ARSG: variants seen among roughly 807,000 people sequenced by gnomAD.
ARSG encodes ASG.
In ARSG, 37 loss-of-function variants were observed where a neutral mutation model predicts 50.5. That is an observed-to-expected ratio of 0.73 (90% CI 0.56 to 0.96). The LOEUF is 0.96. Among genes scored for constraint, ARSG ranks in the 50% least tolerant of loss-of-function variants. ARSG has a pLI of 0.00. For missense variants in ARSG, 629 were observed against 675.3 expected (o/e 0.93, Z 0.76); for synonymous variants, 225 against 254.6 (o/e 0.88, Z 1.11).
chr17:68,272,510 G>A, intron 1 of ARSG: 1 of 1,078,120 alleles, frequency 9.3e-7, no homozygotes. Flanking sequence ...CTGGAGAAGA[G>A]ACGTAAATAA....
At chr17:68,291,734 G>C (rs1413985069) in intron 1 of ARSG, among the ~76,000 whole-genome samples, 166 bp downstream of exon 1, 1 of 151,650 alleles carries the variant, frequency 6.6e-6, no homozygotes, top group Non-Finnish European at 1.5e-5. Flanking sequence ...CAGGGTGTTG[G>C]GGGTGCCTGC....
At chr17:68,358,846 C>T (rs1015712208) in intron 6 of ARSG, among the ~76,000 whole-genome samples, 4 of 151,682 alleles carry the variant, frequency 2.6e-5, no homozygotes, top group Non-Finnish European at 5.9e-5. Context: ...CAGCCTGACA[C>T]ATGGAGAGCC....
intron 8 of ARSG, among the ~76,000 whole-genome samples, chr17:68,372,069 TG>T: frequency 6.6e-6 from 1 of 152,254 alleles, no homozygotes; most frequent in South Asian, 2.1e-4. Context: ...ATAAATTAAA[TG>T]TTTAGGAGGT....
intron 2 of ARSG, among the ~76,000 whole-genome samples, chr17:68,330,186 G>T (rs2077668712): frequency 6.6e-6 from 1 of 152,042 alleles, no homozygotes; most frequent in African/African-American, 2.4e-5. Context: ...CTCCAGCCTG[G>T]GTGGCAGAGT....
At chr17:68,434,338 A>G in the ARSG span, among the ~76,000 whole-genome samples, 1 of 152,148 alleles carries the variant, frequency 6.6e-6, no homozygotes, top group South Asian at 2.1e-4. Flanking sequence ...TCAAAAAGGG[A>G]CTCTCACGGC....
chr17:68,336,735 C>T (rs575758674), intron 2 of ARSG, among the ~76,000 whole-genome samples: 1 of 152,126 alleles, frequency 6.6e-6, no homozygotes, highest in East Asian at 1.9e-4. Context: ...CATCTATAAT[C>T]TTAGGTACTC....
intron 6 of ARSG, among the ~76,000 whole-genome samples, chr17:68,361,017 G>A (rs543002080): frequency 4.5e-4 from 69 of 152,142 alleles, no homozygotes; most frequent in South Asian, 2.3e-3. Flanking sequence ...TAGAGACGGC[G>A]TTTCACCATG....
chr17:68,274,068 G>C (rs782821002), intron 1 of ARSG: 1 of 1,612,016 alleles, frequency 6.2e-7, no homozygotes, highest in Non-Finnish European at 8.5e-7. Flanking sequence ...GTGGCGAGGG[G>C]AGCTGCCGGG....
At chr17:68,285,115 A>T (rs1405207417) in intron 1 of ARSG, among the ~76,000 whole-genome samples, 1 of 152,228 alleles carries the variant, frequency 6.6e-6, no homozygotes, top group East Asian at 1.9e-4. Flanking sequence ...TGCATCTGAA[A>T]TGCATCCTAT....
At chr17:68,323,457 C>T (rs753707280) in intron 2 of ARSG, among the ~76,000 whole-genome samples, 1 of 151,900 alleles carries the variant, frequency 6.6e-6, no homozygotes, top group Non-Finnish European at 1.5e-5. Flanking sequence ...GCTATGTTGC[C>T]GAGGCTGATT....
intron 5 of ARSG, among the ~76,000 whole-genome samples, chr17:68,353,262 G>C (rs563902485): frequency 6.6e-6 from 1 of 152,052 alleles, no homozygotes; most frequent in East Asian, 2.0e-4. Context: ...GGTTACACCG[G>C]AGCTGGAAAG....
chr17:68,262,662 C>G (rs2075092400), intron 1 of ARSG, among the ~76,000 whole-genome samples: 1 of 152,122 alleles, frequency 6.6e-6, no homozygotes. Context: ...TGGAAGCAGG[C>G]AGGCCAGCTA....
chr17:68,314,255 AG>A (rs1198476077), intron 2 of ARSG, among the ~76,000 whole-genome samples: 1 of 151,916 alleles, frequency 6.6e-6, no homozygotes, highest in East Asian at 1.9e-4. Flanking sequence ...GGCCGGGCAC[AG>A]TGGCTCACAC....
At chr17:68,268,423 A>AAGTT (rs1227204857) in intron 1 of ARSG, 4 of 96,716 alleles carry the variant, frequency 4.1e-5, no homozygotes, top group Non-Finnish European at 8.1e-5. Context: ...TATGAAGTTC[A>AAGTT]AGTTATATAT....
At chr17:68,382,511 T>A (rs184025562) in intron 8 of ARSG, among the ~76,000 whole-genome samples, 40 of 152,372 alleles carry the variant, frequency 2.6e-4, no homozygotes, top group African/African-American at 8.4e-4. Flanking sequence ...TGGGAGCAGG[T>A]ATTACTGAAG....
intron 1 of ARSG, among the ~76,000 whole-genome samples, chr17:68,265,650 G>T (rs1460356869): frequency 6.6e-6 from 1 of 151,532 alleles, no homozygotes; most frequent in Non-Finnish European, 1.5e-5. Context: ...ACCTGTGCCG[G>T]TGTTACAGAT....
intron 9 of ARSG, among the ~76,000 whole-genome samples, chr17:68,391,942 G>GT (rs1251701478): frequency 3.9e-5 from 6 of 152,330 alleles, no homozygotes; most frequent in African/African-American, 1.4e-4. Flanking sequence ...TGTAGGTAGA[G>GT]CCCTGGAGAG....
chr17:68,416,804 A>G (rs954036885), intron 11 of ARSG, among the ~76,000 whole-genome samples: 6 of 152,042 alleles, frequency 3.9e-5, no homozygotes, highest in Admixed American at 6.6e-5. Context: ...AGTATGTCCA[A>G]TGTTTCCTGA....
At chr17:68,273,663 C>A (rs782773347) in intron 1 of ARSG, among the ~76,000 whole-genome samples, 10 of 152,152 alleles carry the variant, frequency 6.6e-5, no homozygotes, top group Non-Finnish European at 1.3e-4. Context: ...AAAATGCTAT[C>A]TTTTGGCTGC....
Sources: gnomAD v4.1 joint callset for allele counts (sites outside exome capture counted in the v4.1 genomes callset) on GRCh38, gnomAD v4.1.1 for gene constraint, MANE v1.5 for transcripts, NCBI Gene and HGNC (gene_info 2026-07-23, HGNC 2026-07-21) for gene names.